The following SH3GLB1 variants were observed in gnomAD, a reference collection of about 807,000 sequenced individuals.
The protein encoded by SH3GLB1 is endophilin-B1.
SH3GLB1 carries 17 observed loss-of-function variants against 42.0 expected under a neutral mutation model. That is an observed-to-expected ratio of 0.40 (90% CI 0.28 to 0.61). The LOEUF is 0.61. Among genes scored for constraint, SH3GLB1 ranks in the 20% least tolerant of loss-of-function variants. The pLI is 0.36. For synonymous variants in SH3GLB1, 132 were observed against 146.6 expected (o/e 0.90, Z 0.72); for missense variants, 355 against 426.3 (o/e 0.83, Z 1.47).
In SH3GLB1 at chr1:86,734,623, A is replaced by G; in HGVS notation, c.592A>G (p.Thr198Ala). The G allele has an allele frequency of 1.2e-6, 2 of 1,612,918 alleles. No individual in the cohort carries two copies. The highest frequency in any genetic ancestry group is 1.1e-5 in the South Asian group (1 of 91,028). ...RNSSEQELRI[T>A]QSEFDRQAEI... ...TAAGTCTGAACAGGAATTAAGAATAACTCAAAGTGAATTTGATCGTCAAGC... is the reference window on the plus strand; with the variant it reads ...TAAGTCTGAACAGGAATTAAGAATAGCTCAAAGTGAATTTGATCGTCAAGC... The change falls in exon 6 of 9, where the codon ACT becomes GCT. Residue 198 changes from threonine (T) to alanine (A), a missense_variant. Coordinates refer to ENST00000370558, the MANE Select transcript of SH3GLB1 (RefSeq NM_016009.5).
chr1:86,714,435 G>A (rs1654394578), intron 1 of SH3GLB1, among the ~76,000 whole-genome samples: 1 of 152,074 alleles, frequency 6.6e-6, no homozygotes, highest in Non-Finnish European at 1.5e-5. Flanking sequence ...ACTAGGTCAG[G>A]GGCTGGCTAT....
At chr1:86,742,186 T>C (rs751528375) in intron 7 of SH3GLB1, 22 bp from the exon 8 acceptor site, 2 of 1,591,404 alleles carry the variant, frequency 1.3e-6, no homozygotes, top group South Asian at 2.2e-5. Context: ...AAATAAATAA[T>C]TCGCTGCTTT....
At chr1:86,742,564 CAT>C (rs749749529) in intron 8 of SH3GLB1, 128 bp downstream of exon 8, 8 of 563,160 alleles carry the variant, frequency 1.4e-5, no homozygotes, top group East Asian at 3.1e-5. Flanking sequence ...GTTATATTAA[CAT>C]AAAATTTTAA....
At chr1:86,716,373 G>A (rs1654534790) in intron 2 of SH3GLB1, among the ~76,000 whole-genome samples, 1 of 151,958 alleles carries the variant, frequency 6.6e-6, no homozygotes, top group Admixed American at 6.6e-5. Flanking sequence ...CTCCCAGGTT[G>A]AAGCAATTCT....
At chr1:86,705,389 C>T (rs748765205) in intron 1 of SH3GLB1, among the ~76,000 whole-genome samples, 20 of 152,172 alleles carry the variant, frequency 1.3e-4, no homozygotes, top group Admixed American at 8.5e-4. Flanking sequence ...CTCACCCTCC[C>T]CTCGGAGTCC....
In SH3GLB1 at chr1:86,745,586, T is replaced by C. The variant is rs1040521238; in HGVS notation, c.*2351T>C. 1 of 152,240 alleles carries C rather than the reference T, an allele frequency of 6.6e-6. No individual in the cohort carries two copies. Among genetic ancestry groups the C allele is most frequent in the Non-Finnish European group, 1.5e-5 (1 of 68,042 alleles). 9.4% of individuals were successfully genotyped at this position (152,240 alleles called of 1,614,324 possible). ...AAAGTTGATTTTAGTTACCCAGTAA[T>C]GTACAGAAACCTTCAATAATGTTAA... On this transcript the variant is annotated 3_prime_UTR_variant, in exon 9 of 9. Transcript: ENST00000370558.
intron 7 of SH3GLB1, among the ~76,000 whole-genome samples, chr1:86,735,816 T>G (rs1257921553): frequency 2.6e-5 from 4 of 152,164 alleles, no homozygotes; most frequent in Non-Finnish European, 5.9e-5. Context: ...AAATAATGTT[T>G]AGGGCAAACA....
At chr1:86,724,890 A>T (rs372672781) in intron 5 of SH3GLB1, among the ~76,000 whole-genome samples, 4,934 of 101,376 alleles carry the variant, frequency 0.049, 346 homozygotes, top group African/African-American at 0.16. Flanking sequence ...AAAAAAAAAA[A>T]AAATATATAT....
chr1:86,728,503 C>G, intron 5 of SH3GLB1: 1 of 1,499,798 alleles, frequency 6.7e-7, no homozygotes, highest in Non-Finnish European at 9.0e-7. Context: ...TGTTGGCCTA[C>G]TGTGTTTTCT....
At chr1:86,724,533 C>A in intron 5 of SH3GLB1, 128 bp downstream of exon 5, 1 of 738,324 alleles carries the variant, frequency 1.4e-6, no homozygotes, top group Non-Finnish European at 2.2e-6. Context: ...ACAAATTTAT[C>A]AGAACTTAAT....
At chr1:86,743,069 G>T in intron 8 of SH3GLB1, 59 bp from the exon 9 acceptor site, 1 of 1,320,072 alleles carries the variant, frequency 7.6e-7, no homozygotes, top group South Asian at 1.2e-5. Context: ...AATCTGATTG[G>T]TTTTCTACTT....
At chr1:86,740,482 G>A (rs575464290) in intron 7 of SH3GLB1, among the ~76,000 whole-genome samples, 18 of 152,326 alleles carry the variant, frequency 1.2e-4, no homozygotes, top group African/African-American at 4.3e-4. Flanking sequence ...GAAGTGAGTG[G>A]CATAAGAAAT....
chr1:86,731,914 T>C (rs1043138868), intron 5 of SH3GLB1, among the ~76,000 whole-genome samples: 1 of 152,084 alleles, frequency 6.6e-6, no homozygotes, highest in African/African-American at 2.4e-5. Flanking sequence ...ACCCTGTCTC[T>C]ACTAAAAATA....
intron 1 of SH3GLB1, among the ~76,000 whole-genome samples, chr1:86,711,447 T>C (rs895714434): frequency 2.6e-5 from 4 of 152,232 alleles, no homozygotes; most frequent in Admixed American, 2.0e-4. Flanking sequence ...AAATGAAATA[T>C]GAAAAAATTA....
intron 3 of SH3GLB1, among the ~76,000 whole-genome samples, chr1:86,721,447 G>A (rs1376919577): frequency 6.6e-6 from 1 of 152,088 alleles, no homozygotes; most frequent in African/African-American, 2.4e-5. Context: ...ACTACTATCT[G>A]TATTACCTTC....
At chr1:86,714,472 T>A (rs888764196) in intron 1 of SH3GLB1, among the ~76,000 whole-genome samples, 2 of 152,214 alleles carry the variant, frequency 1.3e-5, no homozygotes, top group Non-Finnish European at 2.9e-5. Flanking sequence ...GACCCAAGGC[T>A]TTACAAAAGC....
At chr1:86,731,966 G>A (rs1655533066) in intron 5 of SH3GLB1, among the ~76,000 whole-genome samples, 1 of 152,166 alleles carries the variant, frequency 6.6e-6, no homozygotes, top group East Asian at 1.9e-4. Flanking sequence ...TTGGGAGGCT[G>A]AGGCAGGAGA....
rs1460082503 is a variant in SH3GLB1 at position 86,744,089 on chromosome 1, A to G, written c.*854A>G. ...TTGTATACAAATACGGAATAATGCA[A>G]CTACATTATAAATTGTATACGAACA... On this transcript the variant is annotated 3_prime_UTR_variant, in exon 9 of 9. Coordinates refer to ENST00000370558, the MANE Select transcript of SH3GLB1 (RefSeq NM_016009.5). 6.6e-6 allele frequency: 1 copy of G among 152,356 alleles called. No homozygotes were observed. Among genetic ancestry groups the G allele is most frequent in the Non-Finnish European group, 1.5e-5 (1 of 68,042 alleles). 9.4% of individuals were successfully genotyped at this position (152,356 alleles called of 1,614,324 possible). A position where few individuals can be genotyped will look rare whatever the true frequency, so the allele number is the denominator to read the frequency against.
intron 4 of SH3GLB1, among the ~76,000 whole-genome samples, chr1:86,723,523 G>GAAATA (rs537502012): frequency 6.6e-6 from 1 of 151,662 alleles, no homozygotes; most frequent in East Asian, 1.9e-4. Flanking sequence ...CAAAAAAAGT[G>GAAATA]AAATAAAATA....
Sources: gnomAD v4.1 joint callset for allele counts (sites outside exome capture counted in the v4.1 genomes callset) on GRCh38, gnomAD v4.1.1 for gene constraint, MANE v1.5 for transcripts, NCBI Gene and HGNC (gene_info 2026-07-23, HGNC 2026-07-21) for gene names.